Variants in RAPGEF6 observed in about 807,000 individuals in gnomAD.
RAPGEF6 encodes Rap guanine nucleotide exchange factor 6, also known as PDZ domain containing guanine nucleotide exchange factor (GEF) 2.
In RAPGEF6, 56 loss-of-function variants were observed where a neutral mutation model predicts 171.4. The ratio of observed to expected loss-of-function variants is 0.33; its 90% CI spans 0.26 to 0.41. The LOEUF (loss-of-function observed/expected upper bound fraction) is 0.41. Ranked by LOEUF, RAPGEF6 falls within the 10% of genes least tolerant of loss-of-function variation. The pLI is 1.00. For missense variants in RAPGEF6, 1,674 were observed against 1,921.4 expected (o/e 0.87, Z 2.41); for synonymous variants, 692 against 650.1 (o/e 1.06, Z -0.98).
chr5:131,543,804 T>C (rs754061438), intron 6 of RAPGEF6, among the ~76,000 whole-genome samples: 5 of 152,190 alleles, frequency 3.3e-5, no homozygotes, highest in Non-Finnish European at 7.4e-5. Flanking sequence ...CTTTCTGCTA[T>C]CTAAATACCA....
At chr5:131,440,168 G>T in intron 23 of RAPGEF6, 1 of 455,022 alleles carries the variant, frequency 2.2e-6, no homozygotes, top group South Asian at 1.6e-5. Context: ...TGTGCTGTGG[G>T]TATACGGGAA....
intron 7 of RAPGEF6, among the ~76,000 whole-genome samples, chr5:131,521,102 A>AT (rs1208262790): frequency 1.3e-5 from 2 of 152,202 alleles, no homozygotes; most frequent in Non-Finnish European, 2.9e-5. Context: ...CCAAGAACTA[A>AT]TTTTTTAACC....
intron 6 of RAPGEF6, among the ~76,000 whole-genome samples, chr5:131,547,090 C>T (rs1455560504): frequency 6.6e-6 from 1 of 152,166 alleles, no homozygotes; most frequent in Admixed American, 6.5e-5. Flanking sequence ...ATTTCATATT[C>T]TTGTATTGAA....
chr5:131,520,335 G>GT (rs1437960415), intron 7 of RAPGEF6, among the ~76,000 whole-genome samples: 3 of 152,064 alleles, frequency 2.0e-5, no homozygotes, highest in African/African-American at 7.2e-5. Context: ...ATTAAACTCT[G>GT]TTTTTTGATG....
chr5:131,503,071 G>A (rs1176952122), intron 11 of RAPGEF6, among the ~76,000 whole-genome samples: 4 of 152,164 alleles, frequency 2.6e-5, no homozygotes, highest in Non-Finnish European at 5.9e-5. Flanking sequence ...CCAAAGTGCT[G>A]GGATTACAGG....
chr5:131,478,729 G>C (rs1755272046), intron 16 of RAPGEF6, among the ~76,000 whole-genome samples: 1 of 152,124 alleles, frequency 6.6e-6, no homozygotes, highest in Admixed American at 6.5e-5. Context: ...ATTTCTCAGA[G>C]GTAAGGACCA....
chr5:131,539,290 G>A (rs1159176506), intron 6 of RAPGEF6, among the ~76,000 whole-genome samples: 1 of 152,102 alleles, frequency 6.6e-6, no homozygotes, highest in South Asian at 2.1e-4. Flanking sequence ...GATTTATCAA[G>A]CCCACAAATA....
At chr5:131,532,749 A>C (rs1378649852) in intron 6 of RAPGEF6, among the ~76,000 whole-genome samples, 1 of 152,126 alleles carries the variant, frequency 6.6e-6, no homozygotes, top group Non-Finnish European at 1.5e-5. Context: ...AGAATGTCTA[A>C]GAATCTCCAA....
chr5:131,427,429 A>G lies in RAPGEF6; in HGVS notation c.4781-138T>C, dbSNP rs906281196. 1.8e-5 allele frequency: 12 copies of G among 681,388 alleles called. No homozygotes were observed. The African/African-American group carries it at 2.0e-4, about 11-fold the overall frequency. The allele number at this position is 681,388 out of a possible 1,614,324, so 42.2% of individuals were successfully genotyped here. ...GCATCGAGGCCCAGATTTTATTATAATAATACCTATGATTTCTGATCACAT... is the reference window on the plus strand; with the variant it reads ...GCATCGAGGCCCAGATTTTATTATAGTAATACCTATGATTTCTGATCACAT... On this transcript the variant is annotated intron_variant, in intron 27 of 27. Transcript: ENST00000509018.
At chr5:131,570,760 T>C (rs1330700616) in intron 4 of RAPGEF6, among the ~76,000 whole-genome samples, 1 of 152,066 alleles carries the variant, frequency 6.6e-6, no homozygotes, top group Non-Finnish European at 1.5e-5. Flanking sequence ...ACTCTCTCTA[T>C]ATGTAAAATA....
chr5:131,475,142 A>G (rs1167887880), intron 16 of RAPGEF6, among the ~76,000 whole-genome samples: 1 of 152,252 alleles, frequency 6.6e-6, no homozygotes, highest in Middle Eastern at 3.2e-3. Flanking sequence ...CGTAGTAATT[A>G]AAGTGTGAGG....
intron 23 of RAPGEF6, among the ~76,000 whole-genome samples, chr5:131,441,481 C>T (rs184901682): frequency 1.3e-5 from 2 of 152,310 alleles, no homozygotes; most frequent in African/African-American, 2.4e-5. Flanking sequence ...TTATCTTCTT[C>T]GTCACCAATC....
At chr5:131,441,973 C>T (rs1225807212) in intron 23 of RAPGEF6, among the ~76,000 whole-genome samples, 1 of 152,046 alleles carries the variant, frequency 6.6e-6, no homozygotes, top group Non-Finnish European at 1.5e-5. Flanking sequence ...TCTTTAAAGA[C>T]AAAAAACAAC....
intron 3 of RAPGEF6, among the ~76,000 whole-genome samples, chr5:131,596,066 A>C (rs1424951073): frequency 6.6e-6 from 1 of 151,838 alleles, no homozygotes. Context: ...AAGCACAAGA[A>C]TCGCTTGAAC....
rs1421206232 is a variant in RAPGEF6, at chr5:131,426,514, T to C, written c.*752A>G. ...GTGGAAATTAGGGTTCCCACCCTCC[T>C]CCCCAAACTACTCCCTCCCATTTCC... On this transcript the variant is annotated 3_prime_UTR_variant, in exon 28 of 28. Transcript: ENST00000509018. 2.0e-5 allele frequency: 3 copies of C among 152,302 alleles called. No homozygotes were observed. Among genetic ancestry groups the C allele is most frequent in the Non-Finnish European group, 4.4e-5 (3 of 68,020 alleles). 9.4% of individuals were successfully genotyped at this position (152,302 alleles called of 1,614,324 possible). A position where few individuals can be genotyped will look rare whatever the true frequency, so the allele number is the denominator to read the frequency against.
intron 3 of RAPGEF6, among the ~76,000 whole-genome samples, chr5:131,600,505 T>C (rs1764166626): frequency 7.7e-6 from 1 of 129,444 alleles, no homozygotes; most frequent in Non-Finnish European, 1.6e-5. Flanking sequence ...CTGGGTGACA[T>C]GGTGAGACGA....
rs1475809485 is a variant in RAPGEF6 at position 131,426,277 on chromosome 5, T to C, written c.*989A>G. On this transcript the variant is annotated 3_prime_UTR_variant, in exon 28 of 28. Transcript: ENST00000509018. Reference sequence around the variant, plus strand: ...CTGCATAAAGTCAAATTCGTCTTCATTATTACAACACCCATGATAAGAATT... The same window carrying C: ...CTGCATAAAGTCAAATTCGTCTTCACTATTACAACACCCATGATAAGAATT... 6.6e-6 allele frequency: 1 copy of C among 152,332 alleles called. No individual in the cohort carries two copies. The highest frequency in any genetic ancestry group is 1.5e-5 in the Non-Finnish European group (1 of 68,034). 9.4% of individuals were successfully genotyped at this position (152,332 alleles called of 1,614,324 possible). A position where few individuals can be genotyped will look rare whatever the true frequency, so the allele number is the denominator to read the frequency against.
At chr5:131,459,782 T>C (rs967681667) in intron 19 of RAPGEF6, among the ~76,000 whole-genome samples, 2 of 152,190 alleles carry the variant, frequency 1.3e-5, no homozygotes, top group Non-Finnish European at 2.9e-5. Flanking sequence ...GCTATATGGA[T>C]AGAGTATTTC....
intron 6 of RAPGEF6, among the ~76,000 whole-genome samples, chr5:131,528,210 TAAATA>T (rs1157671690): frequency 4.8e-5 from 6 of 124,106 alleles, no homozygotes; most frequent in South Asian, 2.2e-4. Context: ...ATATTATATA[TAAATA>T]AAATAAAATA....
Sources: gnomAD v4.1 joint callset for allele counts (sites outside exome capture counted in the v4.1 genomes callset) on GRCh38, gnomAD v4.1.1 for gene constraint, MANE v1.5 for transcripts, NCBI Gene and HGNC (gene_info 2026-07-23, HGNC 2026-07-21) for gene names.